FOXP1: variants seen among roughly 807,000 people sequenced by gnomAD.
FOXP1 encodes forkhead box P1.
Under a neutral mutation model 98.2 loss-of-function variants are expected in FOXP1, and 15 were observed. That is an observed-to-expected ratio of 0.15 (90% confidence interval 0.10 to 0.24). The LOEUF is 0.24. Among genes scored for constraint, FOXP1 ranks in the 10% least tolerant of loss-of-function variants. The pLI, the probability that FOXP1 is intolerant of heterozygous loss-of-function variation, is 1.00. For missense variants in FOXP1, 633 were observed against 848.5 expected, an observed-to-expected ratio of 0.75 and a Z score of 3.15; for synonymous variants, 371 against 314.5, an observed-to-expected ratio of 1.18 and a Z score of -1.90.
intron 3 of FOXP1, among the ~76,000 whole-genome samples, chr3:71,484,646 T>C (rs1390280002): frequency 6.6e-6 from 1 of 152,154 alleles, no homozygotes; most frequent in African/African-American, 2.4e-5. Flanking sequence ...GAAGGAGTTG[T>C]GACATGGTCG....
chr3:71,014,829 A>G (rs2044204052), intron 12 of FOXP1, among the ~76,000 whole-genome samples: 2 of 152,222 alleles, frequency 1.3e-5, no homozygotes, highest in South Asian at 4.1e-4. Context: ...GGATGAGTTC[A>G]TGTCCTCTGT....
At chr3:71,224,149 C>T (rs1203081354) in intron 5 of FOXP1, among the ~76,000 whole-genome samples, 2 of 152,266 alleles carry the variant, frequency 1.3e-5, no homozygotes. Flanking sequence ...AGCAGAGGCT[C>T]AAGGGTGGTG....
intron 6 of FOXP1, among the ~76,000 whole-genome samples, chr3:71,166,701 A>C (rs543512695): frequency 6.6e-6 from 1 of 152,332 alleles, no homozygotes; most frequent in East Asian, 1.9e-4. Flanking sequence ...CTCCAAGATG[A>C]CTGCTGCAAA....
intron 2 of FOXP1, among the ~76,000 whole-genome samples, chr3:71,537,960 G>A (rs922903538): frequency 3.9e-5 from 6 of 152,188 alleles, no homozygotes; most frequent in Non-Finnish European, 5.9e-5. Flanking sequence ...ACCACACCCA[G>A]TCACTTACAG....
At chr3:71,293,957 T>C (rs1361614457) in intron 5 of FOXP1, among the ~76,000 whole-genome samples, 3 of 152,186 alleles carry the variant, frequency 2.0e-5, no homozygotes, top group Admixed American at 6.5e-5. Context: ...TTAAGACAGT[T>C]AAAAATTTTA....
At chr3:71,522,192 T>C (rs1392954546) in intron 2 of FOXP1, among the ~76,000 whole-genome samples, 1 of 152,198 alleles carries the variant, frequency 6.6e-6, no homozygotes, top group Non-Finnish European at 1.5e-5. Flanking sequence ...TGTGGGCAGC[T>C]GCCCAATGAC....
At chr3:71,523,187 C>G (rs7649993) in intron 2 of FOXP1, among the ~76,000 whole-genome samples, 49,521 of 152,062 alleles carry the variant, frequency 0.33, 9,305 homozygotes, top group Non-Finnish European at 0.43. Flanking sequence ...GAATGGCAAA[C>G]ATTGCCAGCC....
intron 5 of FOXP1, among the ~76,000 whole-genome samples, chr3:71,250,956 A>G (rs540284131): frequency 1.6e-4 from 24 of 152,132 alleles, no homozygotes; most frequent in Non-Finnish European, 2.9e-4. Flanking sequence ...AGAAAAAAAA[A>G]TGTTTTTGGT....
At chr3:71,183,658 C>T (rs2108296236) in intron 6 of FOXP1, among the ~76,000 whole-genome samples, 1 of 152,284 alleles carries the variant, frequency 6.6e-6, no homozygotes, top group Admixed American at 6.5e-5. Flanking sequence ...GAGAAACTTA[C>T]ACAGTCACCC....
intron 4 of FOXP1, among the ~76,000 whole-genome samples, chr3:71,335,632 A>G (rs140937004): frequency 6.6e-6 from 1 of 152,318 alleles, no homozygotes; most frequent in East Asian, 1.9e-4. Flanking sequence ...TAGCGCTAAG[A>G]TAATTGTCTT....
At chr3:71,328,900 G>A (rs552345558) in intron 4 of FOXP1, among the ~76,000 whole-genome samples, 45 of 150,516 alleles carry the variant, frequency 3.0e-4, no homozygotes, top group Admixed American at 1.1e-3. Context: ...GAACCCAGGA[G>A]GCGAAGGTTG....
chr3:71,541,794 G>GA (rs1440539365), intron 2 of FOXP1, among the ~76,000 whole-genome samples: 2 of 152,256 alleles, frequency 1.3e-5, no homozygotes, highest in African/African-American at 2.4e-5. Flanking sequence ...CTGTACTGCA[G>GA]AGATGCTATT....
intron 2 of FOXP1, among the ~76,000 whole-genome samples, chr3:71,553,388 G>T (rs139063308): frequency 1.3e-5 from 2 of 152,000 alleles, no homozygotes; most frequent in East Asian, 1.9e-4. Flanking sequence ...ATTTCTATAC[G>T]GAATTCACAT....
chr3:71,160,817 G>A (rs558920856), intron 6 of FOXP1, among the ~76,000 whole-genome samples: 17 of 152,266 alleles, frequency 1.1e-4, no homozygotes, highest in Non-Finnish European at 1.6e-4. Context: ...ATGTAGAAAC[G>A]AAGGCCTCCA....
At chr3:70,983,368 A>C (rs2039202683) in intron 14 of FOXP1, among the ~76,000 whole-genome samples, 1 of 152,168 alleles carries the variant, frequency 6.6e-6, no homozygotes, top group South Asian at 2.1e-4. Context: ...TGACTGCTTA[A>C]TATTATTTCT....
chr3:71,125,454 C>T (rs750640897), intron 6 of FOXP1, among the ~76,000 whole-genome samples: 5 of 152,018 alleles, frequency 3.3e-5, no homozygotes, highest in African/African-American at 7.3e-5. Context: ...AAAATATATT[C>T]GGTTAATCTA....
chr3:71,078,135 T>G (rs1179680781), intron 7 of FOXP1, among the ~76,000 whole-genome samples: 1 of 144,018 alleles, frequency 6.9e-6, no homozygotes, highest in East Asian at 2.7e-4. Flanking sequence ...CCCGGCCTCC[T>G]CTGTATATTT....
chr3:70,996,210 C>A (rs1277249790), intron 13 of FOXP1, among the ~76,000 whole-genome samples: 1 of 152,132 alleles, frequency 6.6e-6, no homozygotes, highest in Non-Finnish European at 1.5e-5. Context: ...TCTCGAACTC[C>A]CGACCTTAGG....
At chr3:71,123,701 G>A (rs912825682) in intron 6 of FOXP1, among the ~76,000 whole-genome samples, 3 of 152,000 alleles carry the variant, frequency 2.0e-5, no homozygotes, top group African/African-American at 7.2e-5. Context: ...AGGTCCAGTG[G>A]GATTTCCAGC....
Sources: gnomAD v4.1 joint callset for allele counts (sites outside exome capture counted in the v4.1 genomes callset) on GRCh38, gnomAD v4.1.1 for gene constraint, MANE v1.5 for transcripts, NCBI Gene and HGNC (gene_info 2026-07-23, HGNC 2026-07-21) for gene names.